SKI: variants seen among roughly 807,000 people sequenced by gnomAD.
SKI encodes the protein ski oncogene.
A neutral mutation model predicts 59.3 loss-of-function variants in SKI; 23 were observed. That is an observed-to-expected ratio of 0.39 (90% CI 0.28 to 0.55). The LOEUF is 0.55. SKI is among the 20% of genes least tolerant of loss of function. SKI has a pLI of 0.67. For missense variants in SKI, 1,017 were observed against 1,038.9 expected, an observed-to-expected ratio of 0.98 and a Z score of 0.29; for synonymous variants, 673 against 488.6, an observed-to-expected ratio of 1.38 and a Z score of -4.98.
chr1:2,304,060 A>G lies in SKI; in HGVS notation c.1432A>G (p.Lys478Glu). The change falls in exon 4 of 7, where the codon AAG (lysine) becomes GAG (glutamate). Residue 478 changes from lysine (K) to glutamate (E), a missense_variant. Physicochemically the swap from Lys to Glu is moderately conservative, Grantham distance 56. Transcript: ENST00000378536. ...LAPVAAPEEDKDSEAEVEVES... is the reference protein window; with the variant it reads ...LAPVAAPEEDEDSEAEVEVES... Reference sequence around the variant, plus strand: ...GCCCGTGGCTGCCCCAGAGGAGGACAAGGACTCGGAGGCGGAGGTGGAAGT... The same window carrying G: ...GCCCGTGGCTGCCCCAGAGGAGGACGAGGACTCGGAGGCGGAGGTGGAAGT... 1 of 1,612,608 alleles carries G rather than the reference A, an allele frequency of 6.2e-7. No individual in the cohort carries two copies. Among genetic ancestry groups the G allele is most frequent in the Non-Finnish European group, 8.5e-7 (1 of 1,179,912 alleles).
At chr1:2,240,012 C>T (rs1044480946) in intron 1 of SKI, among the ~76,000 whole-genome samples, 1 of 152,146 alleles carries the variant, frequency 6.6e-6, no homozygotes, top group African/African-American at 2.4e-5. Context: ...AGCTGAACGT[C>T]GTTATTTGGA....
chr1:2,253,521 C>CTT (rs1162629775), intron 1 of SKI, among the ~76,000 whole-genome samples: 3 of 152,240 alleles, frequency 2.0e-5, no homozygotes, highest in Non-Finnish European at 4.4e-5. Context: ...GACACGCAGC[C>CTT]TTATGTTCCT....
chr1:2,301,873 A>G (rs903618), intron 1 of SKI, among the ~76,000 whole-genome samples: 135,938 of 152,338 alleles, frequency 0.89, 60,942 homozygotes, highest in African/African-American at 0.97. Context: ...CCTGTTCTGC[A>G]TTGGCCTGTG....
chr1:2,230,131 G>A (rs1042624108), intron 1 of SKI, among the ~76,000 whole-genome samples: 13 of 152,228 alleles, frequency 8.5e-5, no homozygotes, highest in African/African-American at 3.1e-4. Flanking sequence ...TCAGGCCCAG[G>A]TCTTTCTTGG....
intron 1 of SKI, among the ~76,000 whole-genome samples, chr1:2,255,646 T>A (rs260508): frequency 6.6e-6 from 1 of 150,476 alleles, no homozygotes; most frequent in Non-Finnish European, 1.5e-5. Flanking sequence ...TGTCTGGAGC[T>A]CTCTCTGTCC....
At chr1:2,287,890 T>C (rs1220072654) in intron 1 of SKI, among the ~76,000 whole-genome samples, 1 of 152,212 alleles carries the variant, frequency 6.6e-6, no homozygotes. Flanking sequence ...CCCCGAGCCC[T>C]GAGCCCCGCC....
intron 1 of SKI, among the ~76,000 whole-genome samples, chr1:2,246,118 A>T (rs1287477894): frequency 6.6e-6 from 1 of 152,108 alleles, no homozygotes; most frequent in East Asian, 1.9e-4. Context: ...TAAAGAACCG[A>T]CTGTTTTTCA....
intron 1 of SKI, 49 bp from the exon 2 acceptor site, chr1:2,302,929 C>G: frequency 6.2e-7 from 1 of 1,612,690 alleles, no homozygotes; most frequent in Non-Finnish European, 8.5e-7. Context: ...GGTGGAGGGA[C>G]CCTGCCCTGG....
intron 1 of SKI, among the ~76,000 whole-genome samples, chr1:2,292,309 G>A (rs1049845639): frequency 6.6e-6 from 1 of 152,230 alleles, no homozygotes; most frequent in African/African-American, 2.4e-5. Context: ...TCCAGGCTTT[G>A]GGGTGGGGCT....
chr1:2,253,879 T>C (rs151190321), intron 1 of SKI, among the ~76,000 whole-genome samples: 2,059 of 152,288 alleles, frequency 0.014, 28 homozygotes, highest in Non-Finnish European at 0.022. Flanking sequence ...CTGGACTTGC[T>C]GAGGGTTGCT....
chr1:2,285,646 C>T (rs1189956954), intron 1 of SKI, among the ~76,000 whole-genome samples: 4 of 150,190 alleles, frequency 2.7e-5, no homozygotes, highest in East Asian at 2.0e-4. Flanking sequence ...CTCACTACAA[C>T]CTCCGCCTCC....
chr1:2,231,193 G>A (rs955004594), intron 1 of SKI, among the ~76,000 whole-genome samples: 3 of 152,072 alleles, frequency 2.0e-5, no homozygotes, highest in East Asian at 3.9e-4. Flanking sequence ...CCGCACCCTC[G>A]TCAGTGCCTG....
chr1:2,284,030 C>G (rs1639976649), intron 1 of SKI, among the ~76,000 whole-genome samples: 1 of 152,180 alleles, frequency 6.6e-6, no homozygotes, highest in East Asian at 1.9e-4. Context: ...ATCTTCTCCC[C>G]AGACCCAGAC....
intron 1 of SKI, among the ~76,000 whole-genome samples, chr1:2,238,920 C>A (rs1303005509): frequency 1.3e-5 from 2 of 152,166 alleles, no homozygotes; most frequent in Non-Finnish European, 2.9e-5. Flanking sequence ...TCTGTGAGAT[C>A]TCAGCTGCTG....
At chr1:2,242,781 A>G (rs1638907317) in intron 1 of SKI, among the ~76,000 whole-genome samples, 1 of 152,108 alleles carries the variant, frequency 6.6e-6, no homozygotes, top group African/African-American at 2.4e-5. Context: ...CAGCCTCCCA[A>G]AGTGCTGTGA....
rs1350770661 is a variant in SKI, at chr1:2,308,937, C to T, written c.*2172C>T. On this transcript the variant is annotated 3_prime_UTR_variant, in exon 7 of 7. Transcript: ENST00000378536. ...GCTGTATCTGCAGTGGCAGCCCTTC[C>T]CCACTTCGGCTCTGGGAGGGTCCAG... 3 of 152,364 alleles carry T rather than the reference C, an allele frequency of 2.0e-5. No homozygotes were observed. The highest frequency in any genetic ancestry group is 4.4e-5 in the Non-Finnish European group (3 of 68,156). 9.4% of individuals were successfully genotyped at this position (152,364 alleles called of 1,614,324 possible).
intron 1 of SKI, among the ~76,000 whole-genome samples, chr1:2,254,844 C>G (rs751981163): frequency 6.6e-6 from 1 of 152,204 alleles, no homozygotes; most frequent in Non-Finnish European, 1.5e-5. Flanking sequence ...GGGGTCCCTG[C>G]GGTCAGGTGA....
chr1:2,242,086 G>A (rs1321936842), intron 1 of SKI, among the ~76,000 whole-genome samples: 3 of 152,228 alleles, frequency 2.0e-5, no homozygotes, highest in Non-Finnish European at 4.4e-5. Flanking sequence ...CAGGCCAGGA[G>A]AGAGCGGAGC....
intron 1 of SKI, among the ~76,000 whole-genome samples, chr1:2,251,771 A>G (rs1408923231): frequency 3.3e-5 from 5 of 152,250 alleles, no homozygotes; most frequent in Admixed American, 2.0e-4. Flanking sequence ...TAGAAAAATG[A>G]ACCGCAAAGT....
Sources: allele counts gnomAD v4.1 joint callset (sites outside exome capture counted in the v4.1 genomes callset), GRCh38; gene constraint gnomAD v4.1.1; transcripts MANE v1.5; gene names NCBI Gene and HGNC (gene_info 2026-07-23, HGNC 2026-07-21).